Variants in SLC9A2 observed in about 807,000 individuals in gnomAD.
SLC9A2 encodes sodium/hydrogen exchanger 2.
In SLC9A2, 42 loss-of-function variants were observed where a neutral mutation model predicts 71.7. The ratio of observed to expected loss-of-function variants is 0.59; its 90% CI spans 0.46 to 0.76. The LOEUF is 0.76. SLC9A2 is among the 30% of genes least tolerant of loss of function. The pLI, the probability that SLC9A2 is intolerant of heterozygous loss-of-function variation, is 0.00. For missense variants in SLC9A2, 829 were observed against 1,017.4 expected, an observed-to-expected ratio of 0.81 and a Z score of 2.52; for synonymous variants, 396 against 392.5, an observed-to-expected ratio of 1.01 and a Z score of -0.10.
At position 102,660,250 on chromosome 2, in the gene SLC9A2, C is replaced by G. The variant is rs115076620; in HGVS notation, c.753+2223C>G. On this transcript the variant is annotated intron_variant, in intron 2 of 11. Coordinates refer to ENST00000233969, the MANE Select transcript of SLC9A2 (RefSeq NM_003048.6). ...GCCAAAGTGAGAGCTTGTCACTCTACTCAGAAGAAGGGCACAGACAGAGCA... is the reference window on the plus strand; with the variant it reads ...GCCAAAGTGAGAGCTTGTCACTCTAGTCAGAAGAAGGGCACAGACAGAGCA... Among the ~76,000 whole-genome samples, 400 of 152,338 alleles carry G rather than the reference C, an allele frequency of 2.6e-3. 3 individuals carry two copies. The highest frequency in any genetic ancestry group is 9.1e-3 in the African/African-American group (380 of 41,566).
intron 1 of SLC9A2, among the ~76,000 whole-genome samples, chr2:102,632,486 G>A (rs986008767): frequency 9.2e-5 from 14 of 151,910 alleles, no homozygotes; most frequent in African/African-American, 3.1e-4. Flanking sequence ...TCTTTTAAAT[G>A]TATGAGTCAT....
At chr2:102,702,548 C>A (rs368111525) in intron 9 of SLC9A2, 46 bp downstream of exon 9, 24 of 1,155,256 alleles carry the variant, frequency 2.1e-5, no homozygotes, top group Non-Finnish European at 2.7e-5. Context: ...CTTTGGCTAA[C>A]AGGATGCCTT....
chr2:102,647,973 T>A (rs1676758953), intron 1 of SLC9A2, among the ~76,000 whole-genome samples: 1 of 152,142 alleles, frequency 6.6e-6, no homozygotes, highest in Non-Finnish European at 1.5e-5. Flanking sequence ...AAAGAAGGAC[T>A]CTTCCATAAC....
At chr2:102,669,049 T>A (rs1352697011) in intron 3 of SLC9A2, among the ~76,000 whole-genome samples, 1 of 152,264 alleles carries the variant, frequency 6.6e-6, no homozygotes, top group Non-Finnish European at 1.5e-5. Flanking sequence ...AGGATTTCAA[T>A]ATCTTGATTT....
In SLC9A2 at chr2:102,655,692, T is replaced by G. The variant is rs537971862; in HGVS notation, c.290-1872T>G. On this transcript the variant is annotated intron_variant, in intron 1 of 11. Coordinates refer to ENST00000233969, the MANE Select transcript of SLC9A2 (RefSeq NM_003048.6). ...GAATGTGGTACATGACTGTATTATC[T>G]TTCTATAATTCAGATAAATTTCTGT... 1.9e-4 allele frequency among the ~76,000 whole-genome samples: 29 copies of G among 152,348 alleles called. No individual in the cohort carries two copies. The South Asian group carries it at 5.8e-3, about 30-fold the overall frequency.
chr2:102,634,468 C>G (rs1409721301), intron 1 of SLC9A2, among the ~76,000 whole-genome samples: 1 of 152,148 alleles, frequency 6.6e-6, no homozygotes, highest in Non-Finnish European at 1.5e-5. Context: ...AGAGTTAACA[C>G]ATTTACAACA....
intron 5 of SLC9A2, among the ~76,000 whole-genome samples, chr2:102,687,011 C>T (rs1229614061): frequency 1.3e-5 from 2 of 152,182 alleles, no homozygotes; most frequent in African/African-American, 4.8e-5. Flanking sequence ...AGGGAGACAT[C>T]TGGGGATCAT....
intron 3 of SLC9A2, among the ~76,000 whole-genome samples, chr2:102,667,067 G>T (rs1677154898): frequency 6.6e-6 from 1 of 152,184 alleles, no homozygotes; most frequent in Non-Finnish European, 1.5e-5. Context: ...CAAAGAGAGT[G>T]GAAGCTGGGG....
chr2:102,701,697 C>A lies in SLC9A2; in HGVS notation c.1748+466C>A, dbSNP rs983591209. On this transcript the variant is annotated intron_variant, in intron 8 of 11. Transcript: ENST00000233969. ...TGGGGGCCATTTAAAGCAGCAGAAC[C>A]ACCAATAAATAACATAAAAATATTA... Among the ~76,000 whole-genome samples, 10 of 151,982 alleles carry A rather than the reference C, an allele frequency of 6.6e-5. No individual in the cohort carries two copies. In the East Asian group the frequency reaches 1.9e-3, roughly 29 times the overall value.
At chr2:102,659,668 G>A (rs1398667542) in intron 2 of SLC9A2, among the ~76,000 whole-genome samples, 1 of 152,034 alleles carries the variant, frequency 6.6e-6, no homozygotes, top group African/African-American at 2.4e-5. Flanking sequence ...AACAAAATCC[G>A]CTTCATATAT....
At chr2:102,634,207 A>G (rs533469043) in intron 1 of SLC9A2, among the ~76,000 whole-genome samples, 1 of 152,278 alleles carries the variant, frequency 6.6e-6, no homozygotes, top group South Asian at 2.1e-4. Context: ...CCTGTCACAT[A>G]TATTATTATT....
At chr2:102,650,758 A>C (rs1046006145) in intron 1 of SLC9A2, among the ~76,000 whole-genome samples, 6 of 152,156 alleles carry the variant, frequency 3.9e-5, no homozygotes, top group South Asian at 2.1e-4. Flanking sequence ...CCTGAGATAC[A>C]TTATGGGGTT....
intron 2 of SLC9A2, among the ~76,000 whole-genome samples, chr2:102,659,409 C>T (rs1480030993): frequency 6.6e-6 from 1 of 151,952 alleles, no homozygotes; most frequent in African/African-American, 2.4e-5. Context: ...CCACTGCATT[C>T]CAGCCTGAGC....
In SLC9A2 at chr2:102,619,748, C is replaced by A; in HGVS notation, c.-101C>A. ...GGCGGGTGGCTGTCGCTGCCCTGCC[C>A]TGCACGGGGCAGGGCGGAGCGGGCT... On this transcript the variant is annotated 5_prime_UTR_variant, in exon 1 of 12. It adds an upstream start codon to the 5' untranslated region. Coordinates refer to ENST00000233969, the MANE Select transcript of SLC9A2 (RefSeq NM_003048.6). This position sits in a 1 kb window ranked among gnomAD's most constrained non-coding sequence, Gnocchi z 4.3. The A allele has an allele frequency of 8.6e-7, 1 of 1,164,538 alleles. No homozygotes were observed. Among genetic ancestry groups the A allele is most frequent in the Non-Finnish European group, 1.1e-6 (1 of 873,052 alleles). The allele number at this position is 1,164,538 out of a possible 1,614,324, so 72.1% of individuals were successfully genotyped here.
At position 102,690,490 on chromosome 2, in the gene SLC9A2, GT is replaced by G. The variant is rs1677638313; in HGVS notation, c.1426-3919del. On this transcript the variant is annotated intron_variant, in intron 5 of 11. Coordinates refer to ENST00000233969, the MANE Select transcript of SLC9A2 (RefSeq NM_003048.6). ...AGAGGTGGATATCTGTCACAGGATG[GT>G]TTTTGTTTCTGATTTTCGAAGATGG... 3.9e-5 allele frequency among the ~76,000 whole-genome samples: 6 copies of G among 152,306 alleles called. No homozygotes were observed. The South Asian group carries it at 1.2e-3, about 32-fold the overall frequency.
chr2:102,691,022 T>C (rs997196610), intron 5 of SLC9A2, among the ~76,000 whole-genome samples: 2 of 150,462 alleles, frequency 1.3e-5, no homozygotes, highest in Non-Finnish European at 2.9e-5. Context: ...CACATCGCAG[T>C]TGTATAATTT....
At chr2:102,698,557 G>T (rs543141482) in intron 7 of SLC9A2, among the ~76,000 whole-genome samples, 20 of 152,330 alleles carry the variant, frequency 1.3e-4, no homozygotes, top group African/African-American at 4.1e-4. Flanking sequence ...GGCTTGGCCA[G>T]TTGGGGCCAG....
chr2:102,645,635 C>T (rs961504451), intron 1 of SLC9A2, among the ~76,000 whole-genome samples: 5 of 151,918 alleles, frequency 3.3e-5, no homozygotes, highest in Admixed American at 6.6e-5. Context: ...AAAATCACAG[C>T]ATGAGAACTT....
Position 102,684,205 on chromosome 2 carries a change from A to G in SLC9A2, c.1294A>G (p.Ile432Val). The stretch of plus-strand genomic sequence containing the variant: ...CCTGACCTTTAAGGACCAGTTCATC[A>G]TTGCCTATGGAGGACTTCGAGGTGC... ...IPLTFKDQFI[I>V]AYGGLRGAIC... The change falls in exon 5 of 12, where the codon ATT (isoleucine) becomes GTT (valine). Residue 432 changes from isoleucine (I) to valine (V), a missense_variant. Ile to Val is a conservative substitution (Grantham distance 29). Transcript: ENST00000233969. 1 of 1,614,084 alleles carries G rather than the reference A, an allele frequency of 6.2e-7. No individual in the cohort carries two copies. Among genetic ancestry groups the G allele is most frequent in the Non-Finnish European group, 8.5e-7 (1 of 1,179,980 alleles).
Sources: allele counts gnomAD v4.1 joint callset (sites outside exome capture counted in the v4.1 genomes callset), GRCh38; gene constraint gnomAD v4.1.1; non-coding constraint Gnocchi (gnomAD v3.1); transcripts MANE v1.5; gene names NCBI Gene and HGNC (gene_info 2026-07-23, HGNC 2026-07-21).